Variants in DNAH5 observed in about 807,000 individuals in gnomAD.
The protein encoded by DNAH5 is axonemal beta dynein heavy chain 5.
In DNAH5, 372 loss-of-function variants were observed where a neutral mutation model predicts 518.2. The observed-to-expected ratio is 0.72, with a 90% CI of 0.66 to 0.78. The LOEUF (loss-of-function observed/expected upper bound fraction) is 0.78, where lower values mean the gene tolerates loss of function less well. Among genes scored for constraint, DNAH5 ranks in the 30% least tolerant of loss-of-function variants. The pLI, the probability that DNAH5 is intolerant of heterozygous loss-of-function variation, is 0.00. For synonymous variants in DNAH5, 2,039 were observed against 2,025.9 expected, an observed-to-expected ratio of 1.01 and a Z score of -0.17; for missense variants, 5,523 against 5,687.0, an observed-to-expected ratio of 0.97 and a Z score of 0.93.
intron 1 of DNAH5, among the ~76,000 whole-genome samples, chr5:13,992,407 T>C (rs556877122): frequency 6.6e-5 from 10 of 152,230 alleles, no homozygotes; most frequent in Non-Finnish European, 1.5e-4. Context: ...CCATGAGCTC[T>C]CTTTTCAGAA....
At chr5:13,977,392 G>T (rs1433607662) in intron 1 of DNAH5, among the ~76,000 whole-genome samples, 9 of 152,100 alleles carry the variant, frequency 5.9e-5, no homozygotes, top group Non-Finnish European at 8.8e-5. Flanking sequence ...GCCCATTCAG[G>T]CCACTCTAAC....
intron 75 of DNAH5, among the ~76,000 whole-genome samples, chr5:13,708,778 T>C (rs1743135072): frequency 6.6e-6 from 1 of 152,204 alleles, no homozygotes; most frequent in African/African-American, 2.4e-5. Context: ...GTTTTTTCCA[T>C]CAAAGCATCC....
intron 18 of DNAH5, 86 bp from the exon 19 acceptor site, chr5:13,885,314 A>C: frequency 6.8e-7 from 1 of 1,467,462 alleles, no homozygotes; most frequent in South Asian, 1.2e-5. Context: ...GATAGATAGA[A>C]TCATCTGTTG....
intron 55 of DNAH5, among the ~76,000 whole-genome samples, chr5:13,774,129 C>T (rs1213029352): frequency 6.6e-6 from 1 of 152,078 alleles, no homozygotes; most frequent in Non-Finnish European, 1.5e-5. Context: ...GTTTTTCTGT[C>T]TGCAATGTGA....
At chr5:13,811,124 G>T (rs2127022613) in intron 44 of DNAH5, among the ~76,000 whole-genome samples, 1 of 152,232 alleles carries the variant, frequency 6.6e-6, no homozygotes, top group South Asian at 2.1e-4. Flanking sequence ...TGATGAATGG[G>T]TGCAAAAATA....
intron 52 of DNAH5, among the ~76,000 whole-genome samples, chr5:13,782,559 G>A (rs958710660): frequency 2.6e-5 from 4 of 152,106 alleles, no homozygotes; most frequent in East Asian, 1.9e-4. Flanking sequence ...AGGCACAGAC[G>A]GTGGGTAAGA....
In DNAH5 at chr5:13,778,372, A is replaced by G. The variant is rs1240173111; in HGVS notation, c.8952-1017T>C. 4.6e-5 allele frequency among the ~76,000 whole-genome samples: 7 copies of G among 151,680 alleles called. 1 individual carries two copies. In the East Asian group the frequency reaches 1.4e-3, roughly 29 times the overall value. ...CTAAAGAAGTGAGATCCGAGAGATC[A>G]GAAAACAAATACTTCTAGAAGACAC... On this transcript the variant is annotated intron_variant, in intron 53 of 78. Transcript: ENST00000265104.
intron 11 of DNAH5, among the ~76,000 whole-genome samples, chr5:13,913,084 T>A (rs1776212578): frequency 6.6e-6 from 1 of 151,932 alleles, no homozygotes; most frequent in Middle Eastern, 3.2e-3. Context: ...CCAAAAAAAA[T>A]TTAAGATTTA....
chr5:13,861,880 G>A (rs1300621219), intron 29 of DNAH5, among the ~76,000 whole-genome samples: 2 of 149,034 alleles, frequency 1.3e-5, no homozygotes, highest in East Asian at 2.0e-4. Context: ...TTGAGCCAGG[G>A]AGGCTGAGGT....
At chr5:13,778,325 A>G (rs1208736136) in intron 53 of DNAH5, among the ~76,000 whole-genome samples, 4 of 151,918 alleles carry the variant, frequency 2.6e-5, no homozygotes, top group Non-Finnish European at 2.9e-5. Flanking sequence ...GAGATCAGAA[A>G]ACAAATACTT....
chr5:13,770,249 A>G (rs185962489), intron 56 of DNAH5, among the ~76,000 whole-genome samples: 2 of 152,310 alleles, frequency 1.3e-5, no homozygotes, highest in East Asian at 1.9e-4. Flanking sequence ...ACTTCAGGGA[A>G]GCAGGGATAC....
rs1770953219 is a variant in DNAH5 at position 13,876,797 on chromosome 5, C to T, written c.3283G>A (p.Val1095Ile). ...GTTTGCACGGGAATGGGTAAATTTA[C>T]AGATGCTATCTCCAAGGTATCTAAA... ...ELQDTLEIAS[V>I]NLPIPVQTKN... The change falls in exon 22 of 79, where the codon GTA (valine) becomes ATA (isoleucine). Residue 1095 changes from valine to isoleucine, a missense_variant. By Grantham distance (29) the Val-to-Ile change is conservative. Transcript: ENST00000265104. 1 of 1,613,742 alleles carries T rather than the reference C, an allele frequency of 6.2e-7. No homozygotes were observed. The highest frequency in any genetic ancestry group is 1.1e-5 in the South Asian group (1 of 91,072).
At chr5:13,817,239 T>A (rs982862576) in intron 42 of DNAH5, among the ~76,000 whole-genome samples, 3 of 152,264 alleles carry the variant, frequency 2.0e-5, no homozygotes, top group Non-Finnish European at 4.4e-5. Context: ...AAAATAGTTA[T>A]GGTAAAATCA....
In DNAH5 at chr5:13,928,116, T is replaced by C. The variant is rs377179099; in HGVS notation, c.255A>G (p.Gln85=). Residue 85 remains glutamine, a synonymous_variant, in exon 3 of 79, where the codon CAA becomes CAG. Coordinates refer to ENST00000265104, the MANE Select transcript of DNAH5 (RefSeq NM_001369.3). ...TACCTGTTTCTGCTTCCTCCACATC[T>C]TGATAGTAAAACATGAGGTGTCGGA... The part of the protein sequence containing the change: ...GGLRHLMFYY[Q]DVEEAETGQL... 3.7e-6 allele frequency: 6 copies of C among 1,613,862 alleles called. No homozygotes were observed. The African/African-American group carries it at 4.0e-5, about 11-fold the overall frequency.
At chr5:13,842,030 T>C (rs1477496911) in intron 32 of DNAH5, 126 bp from the exon 33 acceptor site, 2 of 635,816 alleles carry the variant, frequency 3.1e-6, no homozygotes, top group Admixed American at 3.1e-5. Flanking sequence ...AAAAGCCAAA[T>C]ATAAACTACT....
At chr5:13,988,739 T>TTTTTTTTTTTTTA (rs57485156) in intron 1 of DNAH5, among the ~76,000 whole-genome samples, 4 of 149,414 alleles carry the variant, frequency 2.7e-5, no homozygotes, top group African/African-American at 9.9e-5. Flanking sequence ...TTTTTTTTTT[T>TTTTTTTTTTTTTA]GAGACAGAGT....
At chr5:13,923,155 T>C (rs1280639176) in intron 4 of DNAH5, 125 bp downstream of exon 4, 2 of 1,281,572 alleles carry the variant, frequency 1.6e-6, no homozygotes, top group Admixed American at 3.9e-5. Flanking sequence ...TTTTAAAAAA[T>C]ACTTCTCTGA....
In DNAH5 at chr5:13,691,734, C is replaced by T; in HGVS notation, c.*250G>A. The stretch of plus-strand genomic sequence containing the variant: ...TATACTACTGTGGATTTGAGGGCCA[C>T]ACTTCATTAGGATGCTGTAAATTTA... On this transcript the variant is annotated 3_prime_UTR_variant, in exon 79 of 79. Coordinates refer to ENST00000265104, the MANE Select transcript of DNAH5 (RefSeq NM_001369.3). The T allele has an allele frequency of 2.0e-6, 1 of 492,632 alleles. No individual in the cohort carries two copies. The highest frequency in any genetic ancestry group is 3.7e-6 in the Non-Finnish European group (1 of 272,848). The allele number at this position is 492,632 out of a possible 1,614,324, so 30.5% of individuals were successfully genotyped here.
intron 75 of DNAH5, among the ~76,000 whole-genome samples, chr5:13,711,787 A>G (rs1387076061): frequency 6.6e-6 from 1 of 152,218 alleles, no homozygotes; most frequent in Non-Finnish European, 1.5e-5. Context: ...CTGCAAAAAA[A>G]TAAAATACTT....
Sources: gnomAD v4.1 joint callset for allele counts (sites outside exome capture counted in the v4.1 genomes callset) on GRCh38, gnomAD v4.1.1 for gene constraint, MANE v1.5 for transcripts, NCBI Gene and HGNC (gene_info 2026-07-23, HGNC 2026-07-21) for gene names.